Variants in YAE1 observed in about 807,000 individuals in gnomAD.
The protein encoded by YAE1 is YAE1 maturation factor of ABCE1, also known as protein YAE1 homolog.
A neutral mutation model predicts 23.0 loss-of-function variants in YAE1; 22 were observed. That is an observed-to-expected ratio of 0.96 (90% confidence interval 0.68 to 1.37). The LOEUF (loss-of-function observed/expected upper bound fraction) is 1.37. Ranked by LOEUF, YAE1 falls within the 40% of genes most tolerant of loss-of-function variation. The probability of loss-of-function intolerance (pLI) is 0.00; values close to 1 mark genes in which losing one functional copy is unlikely to be tolerated. For synonymous variants in YAE1, 101 were observed against 97.0 expected (o/e 1.04, Z -0.24); for missense variants, 260 against 262.1 (o/e 0.99, Z 0.06).
At chr7:39,604,288 A>G (rs1372320292) in intron 2 of YAE1, among the ~76,000 whole-genome samples, 1 of 152,222 alleles carries the variant, frequency 6.6e-6, no homozygotes, top group Non-Finnish European at 1.5e-5. Context: ...TTTCTTACAC[A>G]TCTAATTGGC....
chr7:39,577,044 G>A (rs1790665846), downstream of YAE1, among the ~76,000 whole-genome samples: 1 of 152,044 alleles, frequency 6.6e-6, no homozygotes, highest in South Asian at 2.1e-4. Context: ...ACAGGGGCCT[G>A]CCACCACACC....
chr7:39,590,759 G>A (rs1231753355), intron 2 of YAE1, among the ~76,000 whole-genome samples: 1 of 152,124 alleles, frequency 6.6e-6, no homozygotes, highest in Non-Finnish European at 1.5e-5. Flanking sequence ...CATCATATTG[G>A]CACTGAAAAG....
intron 2 of YAE1, among the ~76,000 whole-genome samples, chr7:39,599,331 G>T (rs1791021083): frequency 6.6e-6 from 1 of 152,136 alleles, no homozygotes; most frequent in Non-Finnish European, 1.5e-5. Context: ...TAAATGAGGT[G>T]ATAATAGTAG....
rs142155970 is a variant in YAE1 at position 39,570,589 on chromosome 7, A to G, written c.213A>G (p.Glu71=). Residue 71 remains glutamate (E), a synonymous_variant, in exon 2 of 3, where the codon GAA becomes GAG. Coordinates refer to ENST00000223273, the MANE Select transcript of YAE1 (RefSeq NM_020192.5). Reference sequence around the variant, plus strand: ...ATCAAGGTTATAAGAAAGGTGCAGAAGTCATTTTAAACTATGGACGACTCC... The same window carrying G: ...ATCAAGGTTATAAGAAAGGTGCAGAGGTCATTTTAAACTATGGACGACTCC... ...GFNQGYKKGA[E]VILNYGRLRG... 44 of 1,606,908 alleles carry G rather than the reference A, an allele frequency of 2.7e-5. No homozygotes were observed. The African/African-American group carries it at 5.5e-4, about 20-fold the overall frequency.
intron 2 of YAE1, among the ~76,000 whole-genome samples, chr7:39,579,553 C>T (rs1439502336): frequency 6.6e-6 from 1 of 151,884 alleles, no homozygotes; most frequent in Non-Finnish European, 1.5e-5. Flanking sequence ...CCTGTAATCC[C>T]AGCTACTCAG....
At chr7:39,587,020 T>TC (rs1554292189) in intron 2 of YAE1, among the ~76,000 whole-genome samples, 3 of 150,204 alleles carry the variant, frequency 2.0e-5, no homozygotes, top group East Asian at 2.0e-4. Flanking sequence ...TTCTTTTCTT[T>TC]TCTTTCTCTT....
At chr7:39,591,678 C>T (rs543410573) in intron 2 of YAE1, among the ~76,000 whole-genome samples, 2 of 151,190 alleles carry the variant, frequency 1.3e-5, no homozygotes, top group East Asian at 1.9e-4. Flanking sequence ...TACATTGATA[C>T]GTTATTATCT....
At chr7:39,581,298 T>C (rs1368254749) in intron 2 of YAE1, among the ~76,000 whole-genome samples, 4 of 152,338 alleles carry the variant, frequency 2.6e-5, no homozygotes, top group South Asian at 2.1e-4. Context: ...AAAAGAAATA[T>C]ATGGTTCTAG....
chr7:39,579,297 G>A (rs1790706946), intron 2 of YAE1, among the ~76,000 whole-genome samples: 3 of 152,146 alleles, frequency 2.0e-5, no homozygotes, highest in Admixed American at 1.3e-4. Flanking sequence ...TTTAAACCAA[G>A]GCAAGCCTGG....
exon 3 of YAE1, chr7:39,610,104 C>T (rs1791188458): frequency 1.7e-6 from 2 of 1,187,242 alleles, no homozygotes; most frequent in East Asian, 2.6e-5. Flanking sequence ...CACCTTGGCC[C>T]TCCGGCAAGC....
At chr7:39,597,198 T>G (rs1790987631) in intron 2 of YAE1, among the ~76,000 whole-genome samples, 1 of 152,240 alleles carries the variant, frequency 6.6e-6, no homozygotes, top group African/African-American at 2.4e-5. Flanking sequence ...CTAGTAACGC[T>G]TTCTCTCATT....
chr7:39,610,171 A>T, exon 3 of YAE1: 1 of 729,380 alleles, frequency 1.4e-6, no homozygotes, highest in South Asian at 1.9e-5. Context: ...GAGGAGTATG[A>T]GAAAATCCTC....
chr7:39,607,814 G>A (rs936522330), intron 2 of YAE1, among the ~76,000 whole-genome samples: 10 of 152,090 alleles, frequency 6.6e-5, no homozygotes, highest in African/African-American at 9.7e-5. Context: ...GACTACAGGC[G>A]TGTGCCACCA....
At chr7:39,578,520 C>T (rs550141493) in intron 2 of YAE1, among the ~76,000 whole-genome samples, 2 of 152,184 alleles carry the variant, frequency 1.3e-5, no homozygotes, top group Admixed American at 6.5e-5. Flanking sequence ...CTCACTGCAA[C>T]GGGCTGCAGC....
chr7:39,603,098 C>G (rs1299189825), intron 2 of YAE1, among the ~76,000 whole-genome samples: 2 of 151,934 alleles, frequency 1.3e-5, no homozygotes, highest in Non-Finnish European at 2.9e-5. Flanking sequence ...AAAGTAAGAC[C>G]CAAAGTAGAT....
chr7:39,566,640 C>T (rs1790473068), intron 1 of YAE1, 93 bp downstream of exon 1: 1 of 1,534,116 alleles, frequency 6.5e-7, no homozygotes, highest in Admixed American at 1.9e-5. Flanking sequence ...CAGCCTGGCC[C>T]GGCGCTGCTC....
intron 2 of YAE1, among the ~76,000 whole-genome samples, chr7:39,601,047 G>C (rs1262466523): frequency 6.6e-6 from 1 of 152,190 alleles, no homozygotes; most frequent in Non-Finnish European, 1.5e-5. Context: ...ATTTTGACTG[G>C]TTTAAATCTA....
At chr7:39,580,213 G>A (rs1295026050) in intron 2 of YAE1, among the ~76,000 whole-genome samples, 1 of 152,120 alleles carries the variant, frequency 6.6e-6, no homozygotes, top group Non-Finnish European at 1.5e-5. Context: ...AATTCTCCTC[G>A]GACTTCTTAG....
intron 1 of YAE1, among the ~76,000 whole-genome samples, chr7:39,568,441 T>C (rs1222538172): frequency 6.6e-6 from 1 of 152,066 alleles, no homozygotes; most frequent in Non-Finnish European, 1.5e-5. Flanking sequence ...AAATGTAAAA[T>C]ACCAGGACTT....
Sources: allele counts gnomAD v4.1 joint callset (sites outside exome capture counted in the v4.1 genomes callset), GRCh38; gene constraint gnomAD v4.1.1; transcripts MANE v1.5; gene names NCBI Gene and HGNC (gene_info 2026-07-23, HGNC 2026-07-21).